SDHB: variants seen among roughly 807,000 people sequenced by gnomAD.
SDHB encodes succinate dehydrogenase complex iron sulfur subunit B.
A neutral mutation model predicts 39.7 loss-of-function variants in SDHB; 21 were observed. The ratio of observed to expected loss-of-function variants is 0.53; its 90% CI spans 0.37 to 0.76. SDHB has a LOEUF of 0.76. Among genes scored for constraint, SDHB ranks in the 30% least tolerant of loss-of-function variants. The pLI is 0.00. For synonymous variants in SDHB, 118 were observed against 117.0 expected (o/e 1.01, Z -0.06); for missense variants, 343 against 350.9 (o/e 0.98, Z 0.18).
intron 7 of SDHB, among the ~76,000 whole-genome samples, chr1:17,019,181 T>C (rs951345747): frequency 1.3e-5 from 2 of 152,222 alleles, no homozygotes; most frequent in African/African-American, 4.8e-5. Context: ...CTCTGCCACG[T>C]TGAATTCCTT....
chr1:17,053,785 A>T (rs973193438), intron 1 of SDHB, among the ~76,000 whole-genome samples, 163 bp downstream of exon 1: 1 of 150,708 alleles, frequency 6.6e-6, no homozygotes, highest in South Asian at 2.1e-4. Flanking sequence ...ATAACTTGAC[A>T]GGGATGCTCG....
intron 7 of SDHB, among the ~76,000 whole-genome samples, 191 bp downstream of exon 7, chr1:17,022,417 C>T (rs553993694): frequency 6.6e-5 from 10 of 152,246 alleles, no homozygotes; most frequent in African/African-American, 1.9e-4. Context: ...TGAGGTGGCC[C>T]GAGTCAGTCT....
At chr1:17,039,448 A>T (rs938833822) in intron 2 of SDHB, among the ~76,000 whole-genome samples, 1 of 148,594 alleles carries the variant, frequency 6.7e-6, no homozygotes, top group African/African-American at 2.5e-5. Context: ...TTGGCCAGGC[A>T]TAGTGGTACA....
intron 4 of SDHB, among the ~76,000 whole-genome samples, chr1:17,028,076 C>T (rs1461732519): frequency 6.6e-6 from 1 of 152,284 alleles, no homozygotes; most frequent in East Asian, 1.9e-4. Flanking sequence ...AAACCTCTCC[C>T]TCACCTACTT....
At position 17,046,346 on chromosome 1, in the gene SDHB, A is replaced by G. The variant is rs546715063; in HGVS notation, c.73-1458T>C. ...CAACTCCAGTGGACTTTGCTTGCTT[A>G]ATGTCCCATTTTTTTTTTGGTCTTT... On this transcript the variant is annotated intron_variant, in intron 1 of 7. Coordinates refer to ENST00000375499, the MANE Select transcript of SDHB (RefSeq NM_003000.3). Among the ~76,000 whole-genome samples, 3 of 134,608 alleles carry G rather than the reference A, an allele frequency of 2.2e-5. No individual in the cohort carries two copies. The East Asian group carries it at 6.1e-4, about 28-fold the overall frequency. The allele number at this position is 134,608 out of a possible 152,430, so 88.3% of individuals were successfully genotyped here.
intron 5 of SDHB, 33 bp from the exon 6 acceptor site, chr1:17,024,107 T>C (rs779637138): frequency 1.4e-6 from 2 of 1,475,954 alleles, no homozygotes; most frequent in Admixed American, 1.7e-5. Context: ...CAGGAGCTTG[T>C]GACGGGAGAG....
intron 7 of SDHB, 124 bp downstream of exon 7, chr1:17,022,484 T>C: frequency 7.4e-7 from 1 of 1,346,232 alleles, no homozygotes; most frequent in Non-Finnish European, 1.1e-6. Flanking sequence ...AGGACAGGCA[T>C]ATGCTGGTCC....
rs1044837723 is a variant in SDHB, at chr1:17,029,494, C to T, written c.287-758G>A. Reference sequence around the variant, plus strand: ...TTGCCCAGGCTGGAGTGCAATGCCGCGATCTTGGCTCACTGCAACCTCCGC... The same window carrying T: ...TTGCCCAGGCTGGAGTGCAATGCCGTGATCTTGGCTCACTGCAACCTCCGC... On this transcript the variant is annotated intron_variant, in intron 3 of 7. Transcript: ENST00000375499. 2.2e-4 allele frequency among the ~76,000 whole-genome samples: 33 copies of T among 151,624 alleles called. 1 individual carries two copies. Among genetic ancestry groups the T allele is most frequent in the Admixed American group, 2.6e-4 (4 of 15,192 alleles).
At chr1:17,027,006 C>A (rs1390222961) in intron 5 of SDHB, among the ~76,000 whole-genome samples, 1 of 152,166 alleles carries the variant, frequency 6.6e-6, no homozygotes, top group African/African-American at 2.4e-5. Flanking sequence ...GCGCCAGGGC[C>A]TAGGGATCCA....
chr1:17,039,831 T>C (rs2078070889), intron 2 of SDHB, among the ~76,000 whole-genome samples: 1 of 152,192 alleles, frequency 6.6e-6, no homozygotes, highest in Non-Finnish European at 1.5e-5. Flanking sequence ...GAATATAATA[T>C]AATAACTTTG....
chr1:17,036,106 G>C lies in SDHB; in HGVS notation c.201-2961C>G, dbSNP rs149238671. ...CCCTTGCATTTCTATAAGATTTTTA[G>C]AATCAACTTGTCAACTTCTGCAGAA... On this transcript the variant is annotated intron_variant, in intron 2 of 7. Coordinates refer to ENST00000375499, the MANE Select transcript of SDHB (RefSeq NM_003000.3). 4.0e-3 allele frequency among the ~76,000 whole-genome samples: 608 copies of C among 152,108 alleles called. 4 individuals are homozygous for C. Among genetic ancestry groups the C allele is most frequent in the African/African-American group, 0.014 (570 of 41,508 alleles).
rs761461907 is a variant in SDHB, at chr1:17,033,155, A to T, written c.201-10T>A. ...TACCATGGGGCCACATCTAACAAAG[A>T]AAAATATCCAGTGGTATTTATGTAA... On this transcript the variant is annotated splice_polypyrimidine_tract_variant and intron_variant, in intron 2 of 7. Coordinates refer to ENST00000375499, the MANE Select transcript of SDHB (RefSeq NM_003000.3). 1.3e-6 allele frequency: 2 copies of T among 1,593,330 alleles called. No homozygotes were observed. The highest frequency in any genetic ancestry group is 1.7e-6 in the Non-Finnish European group (2 of 1,161,100).
rs2077977174 is a variant in SDHB, at chr1:17,023,964, G to A, written c.642+9C>T. On this transcript the variant is annotated intron_variant, in intron 6 of 7. Coordinates refer to ENST00000375499, the MANE Select transcript of SDHB (RefSeq NM_003000.3). ...CAATTTCTCTTAAAGCAATTAAGGA[G>A]CACCTCACCTGCATAAGAACTGCAG... The A allele has an allele frequency of 4.4e-6, 7 of 1,596,694 alleles. No individual in the cohort carries two copies. The highest frequency in any genetic ancestry group is 2.2e-5 in the East Asian group (1 of 44,774).
At chr1:17,027,586 C>T (rs1011520093) in intron 5 of SDHB, 163 bp downstream of exon 5, 1 of 671,644 alleles carries the variant, frequency 1.5e-6, no homozygotes, top group Non-Finnish European at 2.7e-6. Flanking sequence ...GTTCACACTA[C>T]TCACCCGGCC....
chr1:17,031,107 A>C (rs749214566), intron 3 of SDHB, among the ~76,000 whole-genome samples: 1 of 151,954 alleles, frequency 6.6e-6, no homozygotes, highest in Non-Finnish European at 1.5e-5. Flanking sequence ...CTTTCATAAG[A>C]CTAGAAAAGA....
intron 1 of SDHB, among the ~76,000 whole-genome samples, chr1:17,053,605 G>A (rs773648492): frequency 6.6e-6 from 1 of 152,030 alleles, no homozygotes; most frequent in African/African-American, 2.4e-5. Flanking sequence ...GGCAGAAAAA[G>A]GGCTTGGAAC....
At chr1:17,039,385 T>C (rs946176464) in intron 2 of SDHB, among the ~76,000 whole-genome samples, 1 of 135,520 alleles carries the variant, frequency 7.4e-6, no homozygotes, top group African/African-American at 2.8e-5. Context: ...AGGAGACCAG[T>C]GTGGGCAACA....
At chr1:17,021,747 C>G (rs1231433565) in intron 7 of SDHB, among the ~76,000 whole-genome samples, 1 of 151,216 alleles carries the variant, frequency 6.6e-6, no homozygotes, top group African/African-American at 2.4e-5. Flanking sequence ...GAAACTCTGT[C>G]TCCAAAAAAA....
rs2077999169 is a variant in SDHB at position 17,027,741 on chromosome 1, C to T, written c.540+8G>A. On this transcript the variant is annotated splice_region_variant and intron_variant, in intron 5 of 7. Coordinates refer to ENST00000375499, the MANE Select transcript of SDHB (RefSeq NM_003000.3). ...TTCAGATTGAAACAATAAATAGGGA[C>T]TAATGACCAGTTTCTCACGCTCTTC... is the stretch of plus-strand genomic sequence containing the variant. The T allele has an allele frequency of 6.9e-7, 1 of 1,455,324 alleles. No homozygotes were observed. The highest frequency in any genetic ancestry group is 2.3e-5 in the East Asian group (1 of 44,162). The allele number at this position is 1,455,324 out of a possible 1,614,324, so 90.2% of individuals were successfully genotyped here.
Sources: allele counts gnomAD v4.1 joint callset (sites outside exome capture counted in the v4.1 genomes callset), GRCh38; gene constraint gnomAD v4.1.1; transcripts MANE v1.5; gene names NCBI Gene and HGNC (gene_info 2026-07-23, HGNC 2026-07-21).